PDE3B: variants seen among roughly 807,000 people sequenced by gnomAD.
PDE3B encodes the protein cGMP-inhibited 3',5'-cyclic phosphodiesterase 3B.
In PDE3B, 66 loss-of-function variants were observed where a neutral mutation model predicts 116.8. The ratio of observed to expected loss-of-function variants is 0.56; its 90% CI spans 0.46 to 0.69. PDE3B has a LOEUF of 0.69. Ranked by LOEUF, PDE3B falls within the 30% of genes least tolerant of loss-of-function variation. PDE3B has a pLI of 0.00. For missense variants in PDE3B, 1,384 were observed against 1,368.1 expected (o/e 1.01, Z -0.18); for synonymous variants, 595 against 533.6 (o/e 1.12, Z -1.59).
chr11:14,846,608 A>G (rs1847608364), intron 12 of PDE3B, among the ~76,000 whole-genome samples: 1 of 152,186 alleles, frequency 6.6e-6, no homozygotes. Flanking sequence ...TCATGTGCAG[A>G]GACACACATA....
chr11:14,740,621 A>T (rs567252520), intron 1 of PDE3B, among the ~76,000 whole-genome samples: 4 of 152,090 alleles, frequency 2.6e-5, no homozygotes, highest in African/African-American at 9.6e-5. Context: ...CTCTGATCTT[A>T]GTTATTTCTG....
chr11:14,671,154 G>A (rs74541494), intron 1 of PDE3B, among the ~76,000 whole-genome samples: 106 of 152,212 alleles, frequency 7.0e-4, no homozygotes, highest in African/African-American at 2.3e-3. Context: ...TAAAAACACA[G>A]TGAAATAAAT....
intron 7 of PDE3B, 108 bp from the exon 8 acceptor site, chr11:14,830,590 C>A (rs1457873271): frequency 4.3e-6 from 2 of 468,302 alleles, no homozygotes; most frequent in Admixed American, 8.6e-5. Flanking sequence ...GATTGAACTC[C>A]ATTATGATTC....
chr11:14,889,843 CAT>C, the PDE3B span, among the ~76,000 whole-genome samples: 5 of 151,994 alleles, frequency 3.3e-5, no homozygotes, highest in African/African-American at 1.2e-4. Context: ...AAACTAATAA[CAT>C]AGGCCGGGCG....
At chr11:14,757,043 A>T (rs1162616661) in intron 1 of PDE3B, among the ~76,000 whole-genome samples, 3 of 148,470 alleles carry the variant, frequency 2.0e-5, no homozygotes, top group Admixed American at 6.8e-5. Context: ...ATGAGTGAGA[A>T]TATGTGGTGT....
At chr11:14,659,696 G>A (rs1853832417) in intron 1 of PDE3B, among the ~76,000 whole-genome samples, 1 of 152,058 alleles carries the variant, frequency 6.6e-6, no homozygotes, top group South Asian at 2.1e-4. Flanking sequence ...TCCTCCCTAC[G>A]TGGTCATGTG....
rs145198517 is a variant in PDE3B at position 14,784,471 on chromosome 11, C to T, written c.1030-1966C>T. The stretch of plus-strand genomic sequence containing the variant: ...GTGGTAAAATGTTGATACCAGTAGA[C>T]GGTGATAAGTCACATATGTACATTG... On this transcript the variant is annotated intron_variant, in intron 2 of 15. Coordinates refer to ENST00000282096, the MANE Select transcript of PDE3B (RefSeq NM_000922.4). 9.8e-4 allele frequency among the ~76,000 whole-genome samples: 149 copies of T among 152,228 alleles called. 1 individual carries two copies. Among genetic ancestry groups the T allele is most frequent in the Admixed American group, 2.5e-3 (38 of 15,284 alleles).
chr11:14,652,179 A>G (rs1192806960), intron 1 of PDE3B, among the ~76,000 whole-genome samples: 2 of 152,124 alleles, frequency 1.3e-5, no homozygotes, highest in African/African-American at 2.4e-5. Context: ...TAATGGTCCA[A>G]CTTTATTCTT....
rs1339306508 is a variant in PDE3B at position 14,758,017 on chromosome 11, C to CATAT, written c.979-13919_979-13916dup. On this transcript the variant is annotated intron_variant, in intron 1 of 15. Coordinates refer to ENST00000282096, the MANE Select transcript of PDE3B (RefSeq NM_000922.4). ...GAAGGGATCCGGTTTCAGCTTTCTA[C>CATAT]ATATGGCTAGCCAATTTTCCCAGCA... 6.0e-3 allele frequency among the ~76,000 whole-genome samples: 920 copies of CATAT among 152,082 alleles called. 6 individuals are homozygous for CATAT. The highest frequency in any genetic ancestry group is 0.021 in the African/African-American group (880 of 41,484).
At chr11:14,860,740 T>C (rs1555006987) in intron 13 of PDE3B, among the ~76,000 whole-genome samples, 1 of 152,176 alleles carries the variant, frequency 6.6e-6, no homozygotes, top group Non-Finnish European at 1.5e-5. Flanking sequence ...TTTAAAACTA[T>C]AGGGCCAGCT....
chr11:14,828,784 A>G (rs983814520), intron 7 of PDE3B, among the ~76,000 whole-genome samples: 4 of 152,210 alleles, frequency 2.6e-5, no homozygotes, highest in Admixed American at 6.5e-5. Context: ...TAGAAATACC[A>G]TCTGACCCAG....
At chr11:14,750,092 A>G (rs929625730) in intron 1 of PDE3B, among the ~76,000 whole-genome samples, 1 of 151,324 alleles carries the variant, frequency 6.6e-6, no homozygotes, top group Non-Finnish European at 1.5e-5. Flanking sequence ...GCTGTCAGGC[A>G]GGAAGAATTC....
At chr11:14,776,177 C>T (rs923487984) in intron 2 of PDE3B, 1 of 152,240 alleles carries the variant, frequency 6.6e-6, no homozygotes, top group Non-Finnish European at 1.5e-5. Flanking sequence ...TAGGCTTATT[C>T]TTTCCCCAGA....
intron 1 of PDE3B, among the ~76,000 whole-genome samples, chr11:14,763,395 G>A (rs1288665416): frequency 1.3e-5 from 2 of 152,034 alleles, no homozygotes; most frequent in South Asian, 4.1e-4. Context: ...ACCAGAGAAT[G>A]AAAGGAGAAG....
At chr11:14,712,296 G>A (rs1855727660) in intron 1 of PDE3B, among the ~76,000 whole-genome samples, 1 of 151,792 alleles carries the variant, frequency 6.6e-6, no homozygotes, top group Admixed American at 6.6e-5. Flanking sequence ...TATTGGCTAG[G>A]CTGCTCTTGA....
At chr11:14,715,891 G>A (rs1401546087) in intron 1 of PDE3B, among the ~76,000 whole-genome samples, 1 of 152,154 alleles carries the variant, frequency 6.6e-6, no homozygotes, top group Non-Finnish European at 1.5e-5. Flanking sequence ...ACTGGATTAA[G>A]AAAATGTGGC....
intron 1 of PDE3B, among the ~76,000 whole-genome samples, chr11:14,650,366 C>A (rs1173362220): frequency 1.3e-5 from 2 of 152,100 alleles, no homozygotes; most frequent in Admixed American, 1.3e-4. Flanking sequence ...TCATGCCCAG[C>A]TAATTTTTGT....
At chr11:14,844,117 A>G (rs932080758) in intron 12 of PDE3B, 91 bp downstream of exon 12, 10 of 915,798 alleles carry the variant, frequency 1.1e-5, no homozygotes, top group Admixed American at 7.4e-5. Flanking sequence ...GTTGAATCAT[A>G]TGTCCAATCC....
intron 1 of PDE3B, among the ~76,000 whole-genome samples, chr11:14,710,256 G>T (rs1855664084): frequency 6.6e-6 from 1 of 152,190 alleles, no homozygotes; most frequent in South Asian, 2.1e-4. Context: ...AAGGTCTAGT[G>T]TGGGCTCTGG....
Sources: allele counts gnomAD v4.1 joint callset (sites outside exome capture counted in the v4.1 genomes callset), GRCh38; gene constraint gnomAD v4.1.1; transcripts MANE v1.5; gene names NCBI Gene and HGNC (gene_info 2026-07-23, HGNC 2026-07-21).